Variants in EPB41L2 observed in about 807,000 individuals in gnomAD.
The protein encoded by EPB41L2 is erythrocyte membrane protein band 4.1 like 2, also known as band 4.1-like protein 2.
In EPB41L2, 43 loss-of-function variants were observed where a neutral mutation model predicts 113.0. The ratio of observed to expected loss-of-function variants is 0.38; its 90% CI spans 0.30 to 0.49. EPB41L2 has a LOEUF of 0.49. Ranked by LOEUF, EPB41L2 falls within the 20% of genes least tolerant of loss-of-function variation. The probability of loss-of-function intolerance (pLI) is 0.95; values close to 1 mark genes in which losing one functional copy is unlikely to be tolerated. For synonymous variants in EPB41L2, 442 were observed against 436.7 expected (o/e 1.01, Z -0.15); for missense variants, 1,147 against 1,223.4 (o/e 0.94, Z 0.93).
At chr6:130,922,710 C>T (rs545234738) in intron 4 of EPB41L2, among the ~76,000 whole-genome samples, 1 of 152,122 alleles carries the variant, frequency 6.6e-6, no homozygotes. Flanking sequence ...CCAGAATGAT[C>T]AGCTGTTAAC....
chr6:130,853,997 G>A (rs774585153), intron 19 of EPB41L2, among the ~76,000 whole-genome samples: 1 of 152,138 alleles, frequency 6.6e-6, no homozygotes, highest in African/African-American at 2.4e-5. Flanking sequence ...GCAGCCAGTG[G>A]GGGGTGGAGA....
intron 4 of EPB41L2, among the ~76,000 whole-genome samples, chr6:130,910,046 A>G (rs2128513555): frequency 6.6e-6 from 1 of 152,354 alleles, no homozygotes; most frequent in African/African-American, 2.4e-5. Context: ...TTCATATGGA[A>G]CCAAAAAGGA....
chr6:130,880,334 T>G (rs975072814), intron 12 of EPB41L2, 128 bp from the exon 13 acceptor site: 2 of 665,792 alleles, frequency 3.0e-6, no homozygotes, highest in African/African-American at 3.6e-5. Flanking sequence ...ACAAATCTTA[T>G]GAACTTAAAG....
rs913332465 is a variant in EPB41L2 at position 130,935,436 on chromosome 6, T to C, written c.706-8727A>G. On this transcript the variant is annotated intron_variant, in intron 3 of 19. Transcript: ENST00000337057. ...CACCCCAGTCTGCTGGGTTTTGAAATATTTCAGAATTCTTAACTGAGCATA... is the reference window on the plus strand; with the variant it reads ...CACCCCAGTCTGCTGGGTTTTGAAACATTTCAGAATTCTTAACTGAGCATA... Among the ~76,000 whole-genome samples, 3 of 152,172 alleles carry C rather than the reference T, an allele frequency of 2.0e-5. No individual in the cohort carries two copies. In the South Asian group the frequency reaches 6.2e-4, roughly 32 times the overall value.
intron 1 of EPB41L2, among the ~76,000 whole-genome samples, chr6:130,957,471 C>T (rs1451337418): frequency 6.6e-6 from 1 of 152,166 alleles, no homozygotes; most frequent in Non-Finnish European, 1.5e-5. Context: ...GCACCCTGGA[C>T]AACGAGTAGT....
intron 1 of EPB41L2, among the ~76,000 whole-genome samples, chr6:131,039,565 T>G (rs986890653): frequency 2.0e-5 from 3 of 152,232 alleles, no homozygotes; most frequent in African/African-American, 4.8e-5. Context: ...TTCACCGTGC[T>G]CTGTAGCACT....
chr6:130,857,115 A>G (rs1780485670), intron 19 of EPB41L2, among the ~76,000 whole-genome samples: 1 of 152,160 alleles, frequency 6.6e-6, no homozygotes, highest in South Asian at 2.1e-4. Context: ...TTTTAGATAT[A>G]TTTGTGTCAA....
intron 13 of EPB41L2, among the ~76,000 whole-genome samples, chr6:130,879,313 T>G (rs549310819): frequency 6.6e-6 from 1 of 152,318 alleles, no homozygotes; most frequent in East Asian, 1.9e-4. Context: ...TGGCTTGAGA[T>G]CAGGCACATT....
At chr6:130,937,503 A>G (rs1359625040) in intron 3 of EPB41L2, among the ~76,000 whole-genome samples, 2 of 152,052 alleles carry the variant, frequency 1.3e-5, no homozygotes, top group African/African-American at 2.4e-5. Flanking sequence ...CAAATGCTCA[A>G]TTATTCACTT....
chr6:130,885,183 G>A lies in EPB41L2; in HGVS notation c.1746C>T (p.Val582=). ...CCCCATCTTGTACCACGGCAATGCT[G>A]ACAAGTCCAGGTCCATAGGCTGAAA... ...GEISAYGPGL[V]SIAVVQDGDG... is the part of the protein sequence containing the mutation. The change falls in exon 12 of 20, where the codon GTC becomes GTT. Residue 582 remains valine (V), a synonymous_variant. Coordinates refer to ENST00000337057, the MANE Select transcript of EPB41L2 (RefSeq NM_001431.4). 6.2e-7 allele frequency: 1 copy of A among 1,614,108 alleles called. No homozygotes were observed. The highest frequency in any genetic ancestry group is 8.5e-7 in the Non-Finnish European group (1 of 1,180,012).
At chr6:130,987,748 GA>G (rs542429302) in intron 1 of EPB41L2, among the ~76,000 whole-genome samples, 67 of 151,920 alleles carry the variant, frequency 4.4e-4, no homozygotes, top group Middle Eastern at 3.4e-3. Context: ...GTTCTGAGAA[GA>G]AAAATTTAGG....
intron 18 of EPB41L2, among the ~76,000 whole-genome samples, chr6:130,863,248 A>C (rs565849438): frequency 6.6e-6 from 1 of 152,352 alleles, no homozygotes; most frequent in Non-Finnish European, 1.5e-5. Flanking sequence ...ATACTTGAAA[A>C]GTTCCTAAAA....
intron 1 of EPB41L2, among the ~76,000 whole-genome samples, chr6:131,012,918 G>T (rs896842939): frequency 6.6e-6 from 1 of 152,096 alleles, no homozygotes; most frequent in African/African-American, 2.4e-5. Flanking sequence ...TAACTGATTT[G>T]ATTCTACAAA....
chr6:130,955,907 T>A, intron 2 of EPB41L2, 87 bp downstream of exon 2: 1 of 1,524,104 alleles, frequency 6.6e-7, no homozygotes, highest in South Asian at 1.3e-5. Flanking sequence ...ACAAGAAATC[T>A]GGAAATGATC....
intron 3 of EPB41L2, among the ~76,000 whole-genome samples, chr6:130,947,079 A>G (rs1813168769): frequency 7.0e-6 from 1 of 142,940 alleles, no homozygotes; most frequent in African/African-American, 2.6e-5. Flanking sequence ...TCCAAAATCT[A>G]AACAGCGCCC....
At position 130,974,354 on chromosome 6, in the gene EPB41L2, C is replaced by CA. The variant is rs200712577; in HGVS notation, c.-14-17856_-14-17855insT. On this transcript the variant is annotated intron_variant, in intron 1 of 19. Transcript: ENST00000337057. ...AAATAAGTACCTGTTGTGTAAGTCA[C>CA]CCAGTCTATGGTATTTTATTATGGC... 8.1e-3 allele frequency among the ~76,000 whole-genome samples: 1,234 copies of CA among 152,258 alleles called. 12 individuals carry two copies. Among genetic ancestry groups the CA allele is most frequent in the African/African-American group, 0.028 (1,162 of 41,546 alleles).
intron 1 of EPB41L2, among the ~76,000 whole-genome samples, chr6:130,980,130 T>C (rs1313978422): frequency 2.0e-5 from 3 of 152,120 alleles, no homozygotes; most frequent in Admixed American, 2.0e-4. Flanking sequence ...GGTCATAAGA[T>C]GGCTACTAAC....
chr6:130,869,691 T>C lies in EPB41L2; in HGVS notation c.2479A>G (p.Lys827Glu), dbSNP rs1785008827. ...TTAAGAGCGCCTTCGTGTACACTCT[T>C]CTCTCCGGGTATCTTTTGGGCACCT... ...NVGAQKIPGE[K>E]SVHEGALKQD... Residue 827 changes from lysine (K) to glutamate (E), a missense_variant, in exon 15 of 20, where the codon AAG (lysine) becomes GAG (glutamate). Transcript: ENST00000337057. 1 of 1,614,040 alleles carries C rather than the reference T, an allele frequency of 6.2e-7. No homozygotes were observed. Among genetic ancestry groups the C allele is most frequent in the African/African-American group, 1.3e-5 (1 of 74,916 alleles).
In EPB41L2 at chr6:130,989,783, G is replaced by A. The variant is rs76284478; in HGVS notation, c.-14-33284C>T. Among the ~76,000 whole-genome samples the A allele has an allele frequency of 7.0e-3, 1,065 of 152,338 alleles. 14 individuals are homozygous for A. The highest frequency in any genetic ancestry group is 0.024 in the African/African-American group (1,000 of 41,578). On this transcript the variant is annotated intron_variant, in intron 1 of 19. Transcript: ENST00000337057. ...GTTACAGTATCTGAATAGGGAAAGT[G>A]TCAGTGGAACGAAGTGGATAAATTC...
Sources: gnomAD v4.1 joint callset for allele counts (sites outside exome capture counted in the v4.1 genomes callset) on GRCh38, gnomAD v4.1.1 for gene constraint, MANE v1.5 for transcripts, NCBI Gene and HGNC (gene_info 2026-07-23, HGNC 2026-07-21) for gene names.